GAPVD1: variants seen among roughly 807,000 people sequenced by gnomAD.
The protein encoded by GAPVD1 is GTPase activating protein and VPS9 domains 1, also known as GTPase-activating protein and VPS9 domain-containing protein 1.
In GAPVD1, 35 loss-of-function variants were observed where a neutral mutation model predicts 155.5. The observed-to-expected ratio is 0.23, with a 90% CI of 0.17 to 0.30. The LOEUF (loss-of-function observed/expected upper bound fraction) is 0.30, where lower values mean the gene tolerates loss of function less well. Ranked by LOEUF, GAPVD1 falls within the 10% of genes least tolerant of loss-of-function variation. The probability of loss-of-function intolerance (pLI) is 1.00; values close to 1 mark genes in which losing one functional copy is unlikely to be tolerated. For missense variants in GAPVD1, 1,429 were observed against 1,775.7 expected (o/e 0.80, Z 3.51); for synonymous variants, 636 against 619.7 (o/e 1.03, Z -0.39).
At chr9:125,278,702 G>C (rs560455190) in intron 2 of GAPVD1, among the ~76,000 whole-genome samples, 1 of 151,972 alleles carries the variant, frequency 6.6e-6, no homozygotes, top group East Asian at 1.9e-4. Context: ...GGATGCGGTA[G>C]TACATGCTTG....
intron 2 of GAPVD1, among the ~76,000 whole-genome samples, chr9:125,292,689 T>C (rs1030490047): frequency 1.3e-5 from 2 of 152,268 alleles, no homozygotes; most frequent in Non-Finnish European, 2.9e-5. Context: ...CACGCCCGGC[T>C]GGTCCAGGGT....
intron 2 of GAPVD1, among the ~76,000 whole-genome samples, chr9:125,271,501 T>A (rs1162644798): frequency 6.6e-6 from 1 of 152,138 alleles, no homozygotes; most frequent in Non-Finnish European, 1.5e-5. Context: ...ATCCTGCCAA[T>A]CTTAATTTTA....
chr9:125,327,845 A>G (rs1845423389), intron 12 of GAPVD1, among the ~76,000 whole-genome samples: 1 of 152,186 alleles, frequency 6.6e-6, no homozygotes, highest in Non-Finnish European at 1.5e-5. Context: ...AGATGGTGGT[A>G]TCATGAACCC....
At chr9:125,346,727 C>G (rs1447430167) in intron 19 of GAPVD1, 92 bp from the exon 20 acceptor site, 4 of 1,000,012 alleles carry the variant, frequency 4.0e-6, no homozygotes, top group Non-Finnish European at 6.4e-6. Flanking sequence ...ACCTCCTAAT[C>G]TGCCTTTGGG....
At chr9:125,277,056 A>G (rs1403968553) in intron 2 of GAPVD1, among the ~76,000 whole-genome samples, 1 of 152,104 alleles carries the variant, frequency 6.6e-6, no homozygotes. Flanking sequence ...GTGAGCTACC[A>G]TGCCCAGCCT....
intron 23 of GAPVD1, among the ~76,000 whole-genome samples, chr9:125,353,863 T>C (rs1248150589): frequency 2.0e-5 from 3 of 152,214 alleles, no homozygotes; most frequent in South Asian, 2.1e-4. Context: ...CCAAATCATA[T>C]CAATTTCTAA....
chr9:125,317,304 C>T (rs2779759), intron 9 of GAPVD1, among the ~76,000 whole-genome samples: 1,703 of 148,666 alleles, frequency 0.011, 27 homozygotes, highest in African/African-American at 0.04. Flanking sequence ...GGCAATACAG[C>T]GAGACTCTGT....
rs115824329 is a variant in GAPVD1 at position 125,300,933 on chromosome 9, T to C, written c.186-1050T>C. Among the ~76,000 whole-genome samples, 558 of 152,326 alleles carry C rather than the reference T, an allele frequency of 3.7e-3. 2 individuals are homozygous for C. The highest frequency in any genetic ancestry group is 0.013 in the African/African-American group (527 of 41,574). ...TAGTTAAAGGATGTGATTCTGCAGGTCATTACATACTGGCATGTTGCTGTT... is the reference window on the plus strand; with the variant it reads ...TAGTTAAAGGATGTGATTCTGCAGGCCATTACATACTGGCATGTTGCTGTT... On this transcript the variant is annotated intron_variant, in intron 4 of 27. Coordinates refer to ENST00000297933, the MANE Select transcript of GAPVD1 (RefSeq NM_001282680.3).
intron 8 of GAPVD1, among the ~76,000 whole-genome samples, chr9:125,312,008 T>A (rs749905649): frequency 6.6e-6 from 1 of 152,154 alleles, no homozygotes; most frequent in African/African-American, 2.4e-5. Context: ...GAGTAATCCC[T>A]CATATGAAAT....
At chr9:125,338,302 G>T (rs1265353434) in intron 17 of GAPVD1, among the ~76,000 whole-genome samples, 3 of 152,210 alleles carry the variant, frequency 2.0e-5, no homozygotes, top group African/African-American at 7.2e-5. Context: ...AAACACTTCA[G>T]TGTAAGTTTC....
intron 9 of GAPVD1, among the ~76,000 whole-genome samples, chr9:125,313,295 C>A (rs945175385): frequency 1.3e-5 from 2 of 149,150 alleles, no homozygotes; most frequent in Admixed American, 6.7e-5. Flanking sequence ...TTTTTTTTTT[C>A]TTTTTCTTTT....
chr9:125,313,083 G>C (rs1842876907), intron 9 of GAPVD1, among the ~76,000 whole-genome samples: 1 of 152,064 alleles, frequency 6.6e-6, no homozygotes, highest in African/African-American at 2.4e-5. Context: ...GCCTCCCAAA[G>C]TGCTGAGATT....
intron 9 of GAPVD1, among the ~76,000 whole-genome samples, chr9:125,312,903 C>A (rs542665059): frequency 2.4e-4 from 36 of 152,076 alleles, no homozygotes; most frequent in Non-Finnish European, 4.3e-4. Context: ...TCACTGCAAC[C>A]TCCCAATCCC....
At chr9:125,353,048 A>G (rs1362397634) in intron 23 of GAPVD1, among the ~76,000 whole-genome samples, 1 of 152,056 alleles carries the variant, frequency 6.6e-6, no homozygotes, top group African/African-American at 2.4e-5. Flanking sequence ...CGGAGGTTAC[A>G]GTGAGCTGAG....
chr9:125,350,224 T>C, intron 21 of GAPVD1, 71 bp from the exon 22 acceptor site: 1 of 874,656 alleles, frequency 1.1e-6, no homozygotes, highest in Non-Finnish European at 1.8e-6. Flanking sequence ...CATTAATTTA[T>C]ATAGTAAATA....
intron 4 of GAPVD1, among the ~76,000 whole-genome samples, chr9:125,300,842 T>A (rs1024797208): frequency 7.2e-5 from 11 of 151,996 alleles, no homozygotes; most frequent in Non-Finnish European, 1.6e-4. Context: ...GTTGTGGGCA[T>A]TGTGGTTTTT....
chr9:125,289,721 G>A (rs995816578), intron 2 of GAPVD1, among the ~76,000 whole-genome samples: 3 of 152,144 alleles, frequency 2.0e-5, no homozygotes, highest in African/African-American at 7.2e-5. Context: ...TGCATATATG[G>A]ATTTGGCATT....
rs1293338408 is a variant in GAPVD1 at position 125,365,209 on chromosome 9, C to G, written c.*2463C>G. The stretch of plus-strand genomic sequence containing the variant: ...GCGGAGGAGCACAGCACAGCTGTTG[C>G]AGGGGCAGCTAAGGTTTCCTCTGAA... On this transcript the variant is annotated 3_prime_UTR_variant, in exon 28 of 28. Coordinates refer to ENST00000297933, the MANE Select transcript of GAPVD1 (RefSeq NM_001282680.3). 1 of 152,114 alleles carries G rather than the reference C, an allele frequency of 6.6e-6. No homozygotes were observed. Among genetic ancestry groups the G allele is most frequent in the Non-Finnish European group, 1.5e-5 (1 of 68,036 alleles). The allele number at this position is 152,114 out of a possible 1,614,324, so 9.4% of individuals were successfully genotyped here.
At chr9:125,305,038 TC>T in intron 5 of GAPVD1, 24 bp from the exon 6 acceptor site, 1 of 1,518,168 alleles carries the variant, frequency 6.6e-7, no homozygotes, top group Non-Finnish European at 9.1e-7. Context: ...AGCTTATGTC[TC>T]CCTACCACTG....
Sources: allele counts gnomAD v4.1 joint callset (sites outside exome capture counted in the v4.1 genomes callset), GRCh38; gene constraint gnomAD v4.1.1; transcripts MANE v1.5; gene names NCBI Gene and HGNC (gene_info 2026-07-23, HGNC 2026-07-21).